The following THEMIS variants were observed in gnomAD, a reference collection of about 807,000 sequenced individuals.
The protein encoded by THEMIS is thymocyte selection associated.
THEMIS carries 37 observed loss-of-function variants against 52.6 expected under a neutral mutation model. The ratio of observed to expected loss-of-function variants is 0.70; its 90% CI spans 0.54 to 0.93. The LOEUF (loss-of-function observed/expected upper bound fraction) is 0.93. Ranked by LOEUF, THEMIS falls within the 40% of genes least tolerant of loss-of-function variation. THEMIS has a pLI of 0.00. For missense variants in THEMIS, 808 were observed against 763.1 expected (o/e 1.06, Z -0.69); for synonymous variants, 292 against 272.7 (o/e 1.07, Z -0.70).
intron 4 of THEMIS, 75 bp from the exon 5 acceptor site, chr6:127,719,898 A>G: frequency 6.5e-7 from 1 of 1,537,308 alleles, no homozygotes; most frequent in Admixed American, 2.0e-5. Context: ...GATTTATCAC[A>G]TGGCAATTCA....
the THEMIS span, among the ~76,000 whole-genome samples, chr6:127,702,122 A>G: frequency 1.3e-5 from 2 of 151,990 alleles, no homozygotes; most frequent in Non-Finnish European, 2.9e-5. Context: ...TTGTTCATCT[A>G]TAAGAAGTTT....
intron 4 of THEMIS, among the ~76,000 whole-genome samples, chr6:127,727,195 T>C (rs984216569): frequency 6.6e-5 from 10 of 152,320 alleles, no homozygotes; most frequent in Non-Finnish European, 1.5e-4. Flanking sequence ...CCTGAAAATT[T>C]GGAAGTAATT....
At chr6:127,712,600 A>G (rs1279765781) in intron 5 of THEMIS, among the ~76,000 whole-genome samples, 2 of 151,954 alleles carry the variant, frequency 1.3e-5, no homozygotes, top group African/African-American at 2.4e-5. Flanking sequence ...CACTGAACCA[A>G]TTACTCAGTT....
At chr6:127,739,928 C>A (rs183289550) in intron 4 of THEMIS, among the ~76,000 whole-genome samples, 3 of 152,152 alleles carry the variant, frequency 2.0e-5, no homozygotes, top group Non-Finnish European at 4.4e-5. Flanking sequence ...CATTCGCTGG[C>A]GTGCACTGTT....
intron 4 of THEMIS, among the ~76,000 whole-genome samples, chr6:127,729,308 T>C (rs1028666002): frequency 6.6e-6 from 1 of 152,144 alleles, no homozygotes; most frequent in African/African-American, 2.4e-5. Flanking sequence ...TGGTGACATG[T>C]GGTTCCTCAG....
Position 127,739,555 on chromosome 6 carries a change from G to A in THEMIS, c.1759-19732C>T, listed in dbSNP as rs147115601. ...GCTAGGGAGGCTGAGGCAGGAGAAT[G>A]GTGTGAACCCGGGAGGCGAGCTTAC... is the stretch of plus-strand genomic sequence containing the variant. On this transcript the variant is annotated intron_variant, in intron 4 of 5. Coordinates refer to ENST00000368248, the MANE Select transcript of THEMIS (RefSeq NM_001010923.3). Among the ~76,000 whole-genome samples, 564 of 152,202 alleles carry A rather than the reference G, an allele frequency of 3.7e-3. 3 individuals carry two copies. Among genetic ancestry groups the A allele is most frequent in the African/African-American group, 0.013 (527 of 41,530 alleles).
chr6:127,835,702 A>G (rs1159787279), intron 2 of THEMIS, among the ~76,000 whole-genome samples: 20 of 152,156 alleles, frequency 1.3e-4, no homozygotes, highest in Non-Finnish European at 5.9e-5. Context: ...TCGAGATAAC[A>G]AAATATATGG....
At chr6:127,863,449 C>T (rs1779872951) in intron 1 of THEMIS, among the ~76,000 whole-genome samples, 1 of 152,252 alleles carries the variant, frequency 6.6e-6, no homozygotes, top group South Asian at 2.1e-4. Context: ...TAACCTTTAT[C>T]TGTGCTTATC....
chr6:127,697,938 T>A, the THEMIS span, among the ~76,000 whole-genome samples: 4 of 152,180 alleles, frequency 2.6e-5, no homozygotes, highest in East Asian at 7.7e-4. Flanking sequence ...ATCAAGTTAC[T>A]CCTCCATGTA....
intron 4 of THEMIS, among the ~76,000 whole-genome samples, chr6:127,771,068 G>A (rs1224770899): frequency 6.6e-6 from 1 of 152,156 alleles, no homozygotes; most frequent in Non-Finnish European, 1.5e-5. Flanking sequence ...AGCAACTTCA[G>A]CAAAGTCTCA....
chr6:127,907,970 G>A (rs1007286161), intron 1 of THEMIS, among the ~76,000 whole-genome samples: 3 of 151,792 alleles, frequency 2.0e-5, no homozygotes, highest in African/African-American at 7.3e-5. Context: ...TAATAACCTT[G>A]AAAGAAAATA....
At chr6:127,771,903 C>T (rs891752302) in intron 4 of THEMIS, among the ~76,000 whole-genome samples, 1 of 152,062 alleles carries the variant, frequency 6.6e-6, no homozygotes, top group Admixed American at 6.5e-5. Context: ...ACACCATATA[C>T]ATATATCATA....
At chr6:127,834,988 C>A (rs761542826) in intron 2 of THEMIS, among the ~76,000 whole-genome samples, 5 of 152,080 alleles carry the variant, frequency 3.3e-5, no homozygotes, top group Non-Finnish European at 7.4e-5. Flanking sequence ...GAGTAATAGA[C>A]CTACGATGAG....
rs71543127 is a variant in THEMIS, at chr6:127,847,889, A to AATTATTATTATT, written c.250+7129_250+7140dup. On this transcript the variant is annotated intron_variant, in intron 2 of 5. Coordinates refer to ENST00000368248, the MANE Select transcript of THEMIS (RefSeq NM_001010923.3). ...GGAGGGATCACGTTACTCAATTTCAAATTATTATTATTATTATTATTATTA... is the reference window on the plus strand; with the variant it reads ...GGAGGGATCACGTTACTCAATTTCAAATTATTATTATTATTATTATTATTATTATTATTATTA... Among the ~76,000 whole-genome samples the AATTATTATTATT allele has an allele frequency of 1.5e-3, 221 of 146,524 alleles. 1 individual carries two copies. The highest frequency in any genetic ancestry group is 0.011 in the Middle Eastern group (3 of 276).
chr6:127,851,019 C>T (rs1356007595), intron 2 of THEMIS, among the ~76,000 whole-genome samples: 7 of 151,112 alleles, frequency 4.6e-5, no homozygotes, highest in Non-Finnish European at 1.0e-4. Flanking sequence ...ATAACTAGAA[C>T]AAAAGTATGA....
In THEMIS at chr6:127,709,864, GC is replaced by G; in HGVS notation, c.*120del. On this transcript the variant is annotated 3_prime_UTR_variant, in exon 6 of 6. Transcript: ENST00000368248. Reference sequence around the variant, plus strand: ...TTTTAAGGTTGTTCTTTCCTTTGCAGCGATGAATCAAGTTTCTTCTGGAGTC... The same window carrying G: ...TTTTAAGGTTGTTCTTTCCTTTGCAGGATGAATCAAGTTTCTTCTGGAGTC... 1 of 803,796 alleles carries G rather than the reference GC, an allele frequency of 1.2e-6. No individual in the cohort carries two copies. The highest frequency in any genetic ancestry group is 2.7e-5 in the East Asian group (1 of 37,154). The allele number at this position is 803,796 out of a possible 1,614,324, so 49.8% of individuals were successfully genotyped here.
intron 2 of THEMIS, among the ~76,000 whole-genome samples, chr6:127,836,562 TA>T (rs1778880117): frequency 6.6e-6 from 1 of 152,206 alleles, no homozygotes; most frequent in Non-Finnish European, 1.5e-5. Context: ...AATGTAACCA[TA>T]AGTATTAAAT....
chr6:127,917,627 AG>A (rs1781554532), intron 1 of THEMIS, among the ~76,000 whole-genome samples: 1 of 152,224 alleles, frequency 6.6e-6, no homozygotes, highest in Non-Finnish European at 1.5e-5. Flanking sequence ...AGTAATCAGC[AG>A]GGATGTCCCT....
At chr6:127,727,222 G>T (rs1774579180) in intron 4 of THEMIS, among the ~76,000 whole-genome samples, 3 of 152,158 alleles carry the variant, frequency 2.0e-5, no homozygotes, top group African/African-American at 2.4e-5. Flanking sequence ...CATGATTATT[G>T]TCATAACTTT....
Sources: gnomAD v4.1 joint callset for allele counts (sites outside exome capture counted in the v4.1 genomes callset) on GRCh38, gnomAD v4.1.1 for gene constraint, MANE v1.5 for transcripts, NCBI Gene and HGNC (gene_info 2026-07-23, HGNC 2026-07-21) for gene names.